ATXN7L1: variants seen among roughly 807,000 people sequenced by gnomAD.
ATXN7L1 encodes the protein ataxin 7 like 1, also known as ataxin-7-like protein 1.
In ATXN7L1, 15 loss-of-function variants were observed where a neutral mutation model predicts 70.8. That is an observed-to-expected ratio of 0.21 (90% confidence interval 0.14 to 0.33). The LOEUF (loss-of-function observed/expected upper bound fraction) is 0.33, where lower values mean the gene tolerates loss of function less well. ATXN7L1 is among the 10% of genes least tolerant of loss of function. The pLI, the probability that ATXN7L1 is intolerant of heterozygous loss-of-function variation, is 1.00. For missense variants in ATXN7L1, 975 were observed against 1,097.1 expected (o/e 0.89, Z 1.57); for synonymous variants, 440 against 445.1 (o/e 0.99, Z 0.14).
At chr7:105,656,155 C>T (rs567390400) in intron 4 of ATXN7L1, among the ~76,000 whole-genome samples, 2 of 152,174 alleles carry the variant, frequency 1.3e-5, no homozygotes, top group Non-Finnish European at 2.9e-5. Context: ...CCAGGGTTAC[C>T]GAAGTGATAG....
chr7:105,694,711 C>T lies in ATXN7L1; in HGVS notation c.356-29423G>A, dbSNP rs117235013. ...ACAAGTAAACTGGGATTTGGAGAGG[C>T]TATGTGATTTGGCCAGGGCCACACT... On this transcript the variant is annotated intron_variant, in intron 3 of 11. Transcript: ENST00000419735. Among the ~76,000 whole-genome samples, 410 of 152,322 alleles carry T rather than the reference C, an allele frequency of 2.7e-3. 2 individuals carry two copies. The highest frequency in any genetic ancestry group is 4.8e-3 in the Non-Finnish European group (325 of 68,032).
chr7:105,875,116 T>C (rs1015751445), intron 2 of ATXN7L1: 4 of 152,662 alleles, frequency 2.6e-5, no homozygotes, highest in African/African-American at 9.7e-5. Flanking sequence ...TATGATTTAT[T>C]TATGACGACC....
intron 3 of ATXN7L1, among the ~76,000 whole-genome samples, chr7:105,719,602 A>G (rs1794953864): frequency 6.6e-6 from 1 of 152,118 alleles, no homozygotes; most frequent in Admixed American, 6.5e-5. Flanking sequence ...CAGCGCAGAG[A>G]ATGAGGTCAG....
intron 3 of ATXN7L1, among the ~76,000 whole-genome samples, chr7:105,709,911 T>C (rs1304521498): frequency 6.6e-6 from 1 of 152,120 alleles, no homozygotes; most frequent in African/African-American, 2.4e-5. Flanking sequence ...CTCATTCTGT[T>C]GCACAGACTG....
chr7:105,868,217 C>T (rs1489404613), intron 2 of ATXN7L1, among the ~76,000 whole-genome samples: 2 of 152,066 alleles, frequency 1.3e-5, no homozygotes, highest in Non-Finnish European at 2.9e-5. Context: ...TCAGTGAGGC[C>T]CCCCCACCAT....
At chr7:105,703,825 G>C (rs1004974843) in intron 3 of ATXN7L1, among the ~76,000 whole-genome samples, 3 of 152,190 alleles carry the variant, frequency 2.0e-5, no homozygotes, top group Non-Finnish European at 2.9e-5. Context: ...CGAACCTTTC[G>C]TGTCAGGTGT....
intron 10 of ATXN7L1, among the ~76,000 whole-genome samples, chr7:105,612,157 AG>A (rs1221982673): frequency 6.6e-6 from 1 of 152,232 alleles, no homozygotes; most frequent in East Asian, 1.9e-4. Context: ...GGAGGCTAAG[AG>A]GCCAGACTCC....
chr7:105,840,769 A>G (rs947779388), intron 2 of ATXN7L1, among the ~76,000 whole-genome samples: 1 of 152,194 alleles, frequency 6.6e-6, no homozygotes, highest in Non-Finnish European at 1.5e-5. Context: ...AAATACAAAA[A>G]AGAAGTAACT....
At chr7:105,813,641 A>G (rs984310677) in intron 2 of ATXN7L1, among the ~76,000 whole-genome samples, 1 of 152,066 alleles carries the variant, frequency 6.6e-6, no homozygotes, top group Non-Finnish European at 1.5e-5. Flanking sequence ...TCGGCCCACA[A>G]TCTATAATTT....
chr7:105,743,435 G>A (rs1185868364), intron 3 of ATXN7L1, among the ~76,000 whole-genome samples: 1 of 152,146 alleles, frequency 6.6e-6, no homozygotes, highest in Non-Finnish European at 1.5e-5. Flanking sequence ...TCTCTGACAA[G>A]CAGCAAGTCT....
intron 2 of ATXN7L1, among the ~76,000 whole-genome samples, chr7:105,806,180 C>T (rs1293388697): frequency 6.6e-6 from 1 of 152,168 alleles, no homozygotes; most frequent in African/African-American, 2.4e-5. Context: ...CTGCGTCCCC[C>T]TGGATTCATG....
intron 3 of ATXN7L1, among the ~76,000 whole-genome samples, chr7:105,743,752 C>G (rs1563057686): frequency 6.6e-6 from 1 of 152,184 alleles, no homozygotes; most frequent in Non-Finnish European, 1.5e-5. Flanking sequence ...GCAAGACACC[C>G]TGTGGTTCAT....
intron 3 of ATXN7L1, among the ~76,000 whole-genome samples, chr7:105,742,282 C>T (rs637612): frequency 0.35 from 53,984 of 152,126 alleles, 9,912 homozygotes; most frequent in East Asian, 0.46. Context: ...AATTTCAAGA[C>T]TACCAGCCTT....
chr7:105,707,983 T>C (rs1793388857), intron 3 of ATXN7L1, among the ~76,000 whole-genome samples: 1 of 152,250 alleles, frequency 6.6e-6, no homozygotes, highest in African/African-American at 2.4e-5. Context: ...TAAGTGGCCT[T>C]AAATCCTTTT....
chr7:105,610,511 C>T lies in ATXN7L1; in HGVS notation c.2547+18G>A, dbSNP rs888419050. The T allele has an allele frequency of 6.5e-7, 1 of 1,546,730 alleles. No individual in the cohort carries two copies. Among genetic ancestry groups the T allele is most frequent in the South Asian group, 1.2e-5 (1 of 83,820 alleles). On this transcript the variant is annotated intron_variant, in intron 11 of 11. Transcript: ENST00000419735. The stretch of plus-strand genomic sequence containing the variant: ...GACCATATGAATTTTTGCCCCACCC[C>T]CACCCTCAGTAACTTACCTGTCGGC...
At chr7:105,816,510 C>T (rs1393655876) in intron 2 of ATXN7L1, among the ~76,000 whole-genome samples, 1 of 152,164 alleles carries the variant, frequency 6.6e-6, no homozygotes, top group Non-Finnish European at 1.5e-5. Context: ...AGATTCAGAA[C>T]CTATAAATGT....
intron 3 of ATXN7L1, among the ~76,000 whole-genome samples, chr7:105,748,354 T>A (rs1798819194): frequency 1.3e-5 from 2 of 152,192 alleles, no homozygotes; most frequent in Non-Finnish European, 1.5e-5. Context: ...CCTGTGAGAC[T>A]CTGGCTGGGT....
intron 2 of ATXN7L1, among the ~76,000 whole-genome samples, chr7:105,828,489 CA>C (rs143277722): frequency 0.012 from 1,889 of 152,202 alleles, 18 homozygotes; most frequent in Non-Finnish European, 0.014. Flanking sequence ...GAGGAAAATA[CA>C]ACAAAGTCCC....
At chr7:105,724,296 G>A (rs527762314) in intron 3 of ATXN7L1, among the ~76,000 whole-genome samples, 8 of 152,224 alleles carry the variant, frequency 5.3e-5, no homozygotes, top group East Asian at 3.9e-4. Context: ...AATTAGGGCC[G>A]GGCGCAGTGG....
Sources: allele counts gnomAD v4.1 joint callset (sites outside exome capture counted in the v4.1 genomes callset), GRCh38; gene constraint gnomAD v4.1.1; transcripts MANE v1.5; gene names NCBI Gene and HGNC (gene_info 2026-07-23, HGNC 2026-07-21).